MAK: variants seen among roughly 807,000 people sequenced by gnomAD.
MAK encodes serine/threonine-protein kinase MAK.
A neutral mutation model predicts 82.6 loss-of-function variants in MAK; 65 were observed. The observed-to-expected ratio is 0.79, with a 90% CI of 0.64 to 0.97. The LOEUF is 0.97. Among genes scored for constraint, MAK ranks in the 50% least tolerant of loss-of-function variants. The probability of loss-of-function intolerance (pLI) is 0.00; values close to 1 mark genes in which losing one functional copy is unlikely to be tolerated. For missense variants in MAK, 703 were observed against 780.2 expected (o/e 0.90, Z 1.18); for synonymous variants, 250 against 274.2 (o/e 0.91, Z 0.87).
rs573085507 is a variant in MAK at position 10,818,047 on chromosome 6, G to C, written c.157-76C>G. ...TTTGGCAAAATTGCATCAATGCTAA[G>C]TGTAATAATTACCTTATGTAATTTT... On this transcript the variant is annotated intron_variant, in intron 3 of 14. Coordinates refer to ENST00000354489, the MANE Select transcript of MAK (RefSeq NM_001242957.3). 9.0e-6 allele frequency: 7 copies of C among 777,304 alleles called. 1 individual carries two copies. Among genetic ancestry groups the C allele is most frequent in the South Asian group, 6.4e-5 (4 of 62,292 alleles). 48.2% of individuals were successfully genotyped at this position (777,304 alleles called of 1,614,324 possible).
chr6:10,810,670 T>G (rs1776860338), intron 5 of MAK, among the ~76,000 whole-genome samples: 1 of 152,074 alleles, frequency 6.6e-6, no homozygotes, highest in South Asian at 2.1e-4. Flanking sequence ...GCCTAAATGT[T>G]TTTAATCACT....
At chr6:10,773,681 C>CTATT (rs1773209083) in intron 12 of MAK, among the ~76,000 whole-genome samples, 1 of 150,366 alleles carries the variant, frequency 6.7e-6, no homozygotes, top group Admixed American at 6.6e-5. Flanking sequence ...AAAAATAAAA[C>CTATT]TATTAGTGAT....
intron 5 of MAK, among the ~76,000 whole-genome samples, chr6:10,813,123 TATATATATATAAA>T (rs1481499033): frequency 0.3 from 421 of 1,400 alleles, 112 homozygotes; most frequent in East Asian, 0.46. Context: ...TATATATATA[TATATATATATAAA>T]TTTTTTTTTT....
chr6:10,786,998 A>G (rs1225006433), intron 10 of MAK, among the ~76,000 whole-genome samples: 2 of 123,444 alleles, frequency 1.6e-5, no homozygotes, highest in African/African-American at 3.7e-5. Context: ...CCTCCTATTC[A>G]CCACTCCGCT....
chr6:10,791,670 C>T lies in MAK; in HGVS notation c.1316+5G>A, dbSNP rs1775096687. The T allele has an allele frequency of 1.2e-6, 2 of 1,612,002 alleles. No individual in the cohort carries two copies. Among genetic ancestry groups the T allele is most frequent in the East Asian group, 4.5e-5 (2 of 44,882 alleles). On this transcript the variant is annotated splice_donor_5th_base_variant and intron_variant, in intron 10 of 14. Transcript: ENST00000354489. ...AATATTTTTCTGAGGAATTTGAAATCTTACCGAAATGGAGAATCTTTTTTC... is the reference window on the plus strand; with the variant it reads ...AATATTTTTCTGAGGAATTTGAAATTTTACCGAAATGGAGAATCTTTTTTC...
In MAK at chr6:10,775,401, A is replaced by C. The variant is rs1561935064; in HGVS notation, c.1524T>G (p.Thr508=). ...IASGKEINPH[T]WSNQLFPKSL... The stretch of plus-strand genomic sequence containing the variant: ...ACTTGGGGAATAACTGGTTGCTCCA[A>C]GTGTGGGGGTTTATTTCCTTTCCAC... Residue 508 remains threonine (T), a synonymous_variant, in exon 12 of 15, where the codon ACT becomes ACG. Coordinates refer to ENST00000354489, the MANE Select transcript of MAK (RefSeq NM_001242957.3). 6.2e-7 allele frequency: 1 copy of C among 1,613,980 alleles called. No individual in the cohort carries two copies. Among genetic ancestry groups the C allele is most frequent in the Non-Finnish European group, 8.5e-7 (1 of 1,179,872 alleles).
At chr6:10,797,845 G>A (rs1172637331) in intron 8 of MAK, 2 of 1,284,538 alleles carry the variant, frequency 1.6e-6, no homozygotes, top group Non-Finnish European at 2.0e-6. Flanking sequence ...TCCCTAATTA[G>A]GTCTTTCCAC....
rs963345180 is a variant in MAK, at chr6:10,832,643, C to T, written c.-229-1766G>A. On this transcript the variant is annotated intron_variant, in intron 1 of 14. Transcript: ENST00000354489. ...CCTCCCATGTAGCTGGGACTATAGG[C>T]GCAAGCTACTACACCCAGCTATTTT... Among the ~76,000 whole-genome samples, 15 of 151,984 alleles carry T rather than the reference C, an allele frequency of 9.9e-5. No individual in the cohort carries two copies. The South Asian group carries it at 1.5e-3, about 15-fold the overall frequency.
chr6:10,834,278 G>A (rs894301579), intron 1 of MAK, among the ~76,000 whole-genome samples: 11 of 152,156 alleles, frequency 7.2e-5, no homozygotes, highest in Non-Finnish European at 1.5e-4. Context: ...TTGCACAAAA[G>A]GCCATCATGT....
At chr6:10,807,622 G>A (rs568902971) in intron 6 of MAK, among the ~76,000 whole-genome samples, 223 of 151,942 alleles carry the variant, frequency 1.5e-3, no homozygotes, top group Non-Finnish European at 2.8e-3. Context: ...TTACAGGCGT[G>A]AGCCACCATG....
At chr6:10,771,193 A>G (rs1463980605) in intron 13 of MAK, among the ~76,000 whole-genome samples, 2 of 152,070 alleles carry the variant, frequency 1.3e-5, no homozygotes, top group Non-Finnish European at 2.9e-5. Flanking sequence ...AGGCACTGCG[A>G]ATGTGCAGAG....
intron 14 of MAK, among the ~76,000 whole-genome samples, chr6:10,768,912 TTTAAA>T (rs1772725329): frequency 6.6e-6 from 1 of 152,194 alleles, no homozygotes; most frequent in African/African-American, 2.4e-5. Flanking sequence ...AGAGTCAACT[TTTAAA>T]TTAAACTACA....
chr6:10,813,265 C>G (rs1356583827), intron 5 of MAK, among the ~76,000 whole-genome samples: 1 of 144,546 alleles, frequency 6.9e-6, no homozygotes, highest in East Asian at 2.1e-4. Flanking sequence ...TCTCCTGCCT[C>G]AACCTCCTGA....
chr6:10,765,440 A>ATTTTTTTTTTTTTTT (rs200536068), intron 14 of MAK, among the ~76,000 whole-genome samples: 13 of 130,638 alleles, frequency 1.0e-4, no homozygotes, highest in African/African-American at 4.0e-4. Flanking sequence ...TAGAATGAAG[A>ATTTTTTTTTTTTTTT]TTTTTTTTTT....
chr6:10,821,847 T>TAAA (rs758550193), intron 2 of MAK, among the ~76,000 whole-genome samples: 1 of 129,994 alleles, frequency 7.7e-6, no homozygotes, highest in Non-Finnish European at 1.7e-5. Flanking sequence ...CTTTGTCTCT[T>TAAA]AAAAAAAAAA....
At chr6:10,784,711 T>C in intron 10 of MAK, 139 bp from the exon 11 acceptor site, 1 of 786,286 alleles carries the variant, frequency 1.3e-6, no homozygotes, top group Non-Finnish European at 2.2e-6. Context: ...CATCAGTCTT[T>C]TGGCTAAGTG....
intron 2 of MAK, among the ~76,000 whole-genome samples, chr6:10,828,597 C>G (rs1447148709): frequency 6.6e-6 from 1 of 151,982 alleles, no homozygotes; most frequent in Non-Finnish European, 1.5e-5. Context: ...ATAAGAGGAG[C>G]CTGGGCAACA....
intron 12 of MAK, among the ~76,000 whole-genome samples, 199 bp downstream of exon 12, chr6:10,775,129 G>A (rs894216773): frequency 2.6e-5 from 4 of 152,124 alleles, no homozygotes; most frequent in African/African-American, 9.7e-5. Context: ...GCTACAAACA[G>A]TTTTATTGAA....
intron 9 of MAK, among the ~76,000 whole-genome samples, chr6:10,794,874 C>T (rs1224475019): frequency 6.6e-6 from 1 of 151,970 alleles, no homozygotes; most frequent in Non-Finnish European, 1.5e-5. Flanking sequence ...TGCCTGTAAT[C>T]CGAGCTACTC....
Sources: gnomAD v4.1 joint callset for allele counts (sites outside exome capture counted in the v4.1 genomes callset) on GRCh38, gnomAD v4.1.1 for gene constraint, MANE v1.5 for transcripts, NCBI Gene and HGNC (gene_info 2026-07-23, HGNC 2026-07-21) for gene names.